Variants in EOGT observed in about 807,000 individuals in gnomAD.
EOGT encodes the protein EGF domain-specific O-linked N-acetylglucosamine transferase.
A neutral mutation model predicts 70.5 loss-of-function variants in EOGT; 55 were observed. The ratio of observed to expected loss-of-function variants is 0.78; its 90% CI spans 0.63 to 0.98. The LOEUF is 0.98. Among genes scored for constraint, EOGT ranks in the 50% least tolerant of loss-of-function variants. The pLI is 0.00. For missense variants in EOGT, 703 were observed against 641.9 expected, an observed-to-expected ratio of 1.10 and a Z score of -1.03; for synonymous variants, 246 against 217.1, an observed-to-expected ratio of 1.13 and a Z score of -1.17.
rs1348237412 is a variant in EOGT, at chr3:68,979,756, T to C, written c.1246A>G (p.Thr416Ala). The C allele has an allele frequency of 3.1e-6, 5 of 1,613,574 alleles. No homozygotes were observed. The highest frequency in any genetic ancestry group is 2.2e-5 in the South Asian group (2 of 91,066). The change falls in exon 16 of 18, where the codon ACA becomes GCA. Residue 416 changes from threonine (T) to alanine (A), a missense_variant. By Grantham distance (58) the Thr-to-Ala change is moderately conservative. Transcript: ENST00000383701. ...CCAATAAATATGTCCGTGTTGTGTG[T>C]GATCCTTAGTTGATCTAAAAACCCA... is the stretch of plus-strand genomic sequence containing the variant. Reference protein sequence around the residue: ...ELGFLDQLRITHNTDIFIGMH... With the variant: ...ELGFLDQLRIAHNTDIFIGMH...
chr3:68,984,158 C>A (rs1211390576), intron 14 of EOGT, among the ~76,000 whole-genome samples: 1 of 152,114 alleles, frequency 6.6e-6, no homozygotes, highest in African/African-American at 2.4e-5. Context: ...ACTCTATTGT[C>A]CTGCTTACAG....
rs991946182 is a variant in EOGT, at chr3:68,977,916, T to C, written c.1438-152A>G. 4.0e-6 allele frequency: 3 copies of C among 752,458 alleles called. No individual in the cohort carries two copies. In the African/African-American group the frequency reaches 5.3e-5, roughly 13 times the overall value. The allele number at this position is 752,458 out of a possible 1,614,324, so 46.6% of individuals were successfully genotyped here. A position where few individuals can be genotyped will look rare whatever the true frequency, so the allele number is the denominator to read the frequency against. ...TTCCTGATAAGGGCCAGATGATAAA[T>C]ATTTTCAGCTCTGCTGACTCTAAGG... On this transcript the variant is annotated intron_variant, in intron 17 of 17. Transcript: ENST00000383701.
intron 5 of EOGT, among the ~76,000 whole-genome samples, 153 bp from the exon 6 acceptor site, chr3:69,007,974 A>G (rs1340974328): frequency 6.6e-6 from 1 of 152,214 alleles, no homozygotes; most frequent in African/African-American, 2.4e-5. Context: ...GCCTCACTAC[A>G]TGAAGTTACG....
chr3:69,007,422 G>C (rs528889736), intron 6 of EOGT, among the ~76,000 whole-genome samples: 26 of 149,912 alleles, frequency 1.7e-4, no homozygotes, highest in African/African-American at 6.4e-4. Context: ...GGAGGCTGAG[G>C]TGGGTGGATC....
rs1341208050 is a variant in EOGT, at chr3:69,007,725, C to A, written c.408G>T (p.Gln136His). The A allele has an allele frequency of 6.2e-7, 1 of 1,605,160 alleles. No individual in the cohort carries two copies. Among genetic ancestry groups the A allele is most frequent in the East Asian group, 2.2e-5 (1 of 44,648 alleles). ...GCAAAATACCCACCGTTTCCTTAGG[C>A]TGACAGAGCACATGCATCTCCTCCA... ...ERLEEMHVLC[Q>H]PKETSDSSLV... is the part of the protein sequence containing the mutation. Residue 136 changes from glutamine to histidine, a missense_variant, in exon 6 of 18, where the codon CAG becomes CAT. Gln to His is a conservative substitution (Grantham distance 24). Coordinates refer to ENST00000383701, the MANE Select transcript of EOGT (RefSeq NM_001278689.2).
chr3:68,988,433 T>C, intron 12 of EOGT, 52 bp from the exon 13 acceptor site: 2 of 1,492,912 alleles, frequency 1.3e-6, no homozygotes. Context: ...GTATTATAAT[T>C]TAAGATACTG....
At chr3:69,007,914 T>C in intron 5 of EOGT, 93 bp from the exon 6 acceptor site, 1 of 817,132 alleles carries the variant, frequency 1.2e-6, no homozygotes, top group South Asian at 1.9e-5. Flanking sequence ...AGAGGTTCCT[T>C]ATTACTTTAA....
At chr3:68,998,471 T>C (rs1256161194) in intron 9 of EOGT, among the ~76,000 whole-genome samples, 1 of 152,240 alleles carries the variant, frequency 6.6e-6, no homozygotes, top group Non-Finnish European at 1.5e-5. Context: ...CCATTATTTC[T>C]TCTGACTTTA....
At chr3:69,003,146 G>C (rs193201716) in intron 8 of EOGT, among the ~76,000 whole-genome samples, 1 of 152,166 alleles carries the variant, frequency 6.6e-6, no homozygotes, top group East Asian at 1.9e-4. Context: ...ACCTACACAA[G>C]TGATAAAATT....
At chr3:69,004,194 A>C (rs1049633873) in intron 8 of EOGT, among the ~76,000 whole-genome samples, 184 bp downstream of exon 8, 1 of 152,220 alleles carries the variant, frequency 6.6e-6, no homozygotes, top group Non-Finnish European at 1.5e-5. Context: ...ATCTACTATT[A>C]TAAACACATA....
At position 68,988,539 on chromosome 3, in the gene EOGT, G is replaced by T; in HGVS notation, c.963C>A (p.Arg321=). The T allele has an allele frequency of 6.5e-7, 1 of 1,533,286 alleles. No homozygotes were observed. The highest frequency in any genetic ancestry group is 8.7e-7 in the Non-Finnish European group (1 of 1,145,444). 95.0% of individuals were successfully genotyped at this position (1,533,286 alleles called of 1,614,324 possible). A position where few individuals can be genotyped will look rare whatever the true frequency, so the allele number is the denominator to read the frequency against. Reference sequence around the variant, plus strand: ...TATTATAGAACAGCCCATACCTCATGCGGGGGAGTAATGAAAAAACAGCTT... The same window carrying T: ...TATTATAGAACAGCCCATACCTCATTCGGGGGAGTAATGAAAAAACAGCTT... ...FKEAVFSLLP[R]MRYGLFYNTP... Residue 321 remains arginine, a synonymous_variant, in exon 12 of 18, where the codon CGC becomes CGA. Coordinates refer to ENST00000383701, the MANE Select transcript of EOGT (RefSeq NM_001278689.2).
intron 16 of EOGT, among the ~76,000 whole-genome samples, chr3:68,979,160 A>C (rs1183840087): frequency 6.6e-6 from 1 of 152,204 alleles, no homozygotes; most frequent in Non-Finnish European, 1.5e-5. Flanking sequence ...CAGAATTATT[A>C]TGAGAGGGAA....
intron 9 of EOGT, among the ~76,000 whole-genome samples, chr3:68,999,716 A>G (rs940399321): frequency 6.6e-6 from 1 of 152,218 alleles, no homozygotes; most frequent in Non-Finnish European, 1.5e-5. Context: ...CTCTTTTCCC[A>G]GGTTAGCCAT....
chr3:69,008,283 A>G (rs1212430709), intron 5 of EOGT, 145 bp downstream of exon 5: 3 of 653,828 alleles, frequency 4.6e-6, no homozygotes, highest in Middle Eastern at 2.6e-4. Flanking sequence ...GAAATAGTCA[A>G]GTTGAATTCA....
intron 8 of EOGT, among the ~76,000 whole-genome samples, chr3:69,003,316 G>C (rs1280904989): frequency 6.6e-6 from 1 of 152,174 alleles, no homozygotes; most frequent in African/African-American, 2.4e-5. Flanking sequence ...CTTGTAGTAT[G>C]ATATGGTTTG....
intron 17 of EOGT, 67 bp from the exon 18 acceptor site, chr3:68,977,831 AATT>A: frequency 6.7e-7 from 1 of 1,499,334 alleles, no homozygotes; most frequent in South Asian, 1.3e-5. Flanking sequence ...ACAGCAGGAA[AATT>A]ATGTTACTTT....
intron 10 of EOGT, among the ~76,000 whole-genome samples, chr3:68,990,012 T>G (rs2090942928): frequency 6.6e-6 from 1 of 152,008 alleles, no homozygotes; most frequent in African/African-American, 2.4e-5. Flanking sequence ...CATTGACTAG[T>G]GAATAAAAAG....
intron 13 of EOGT, 84 bp from the exon 14 acceptor site, chr3:68,987,597 CAA>C: frequency 9.7e-7 from 1 of 1,031,480 alleles, no homozygotes; most frequent in Admixed American, 2.1e-5. Context: ...GTGATTTTCA[CAA>C]AGAGATGAAA....
intron 4 of EOGT, among the ~76,000 whole-genome samples, chr3:69,008,845 C>T (rs1056047446): frequency 2.6e-5 from 4 of 152,146 alleles, no homozygotes; most frequent in East Asian, 1.9e-4. Context: ...AGTGAGCAAG[C>T]GGATTCTAAA....
Sources: gnomAD v4.1 joint callset for allele counts (sites outside exome capture counted in the v4.1 genomes callset) on GRCh38, gnomAD v4.1.1 for gene constraint, MANE v1.5 for transcripts, NCBI Gene and HGNC (gene_info 2026-07-23, HGNC 2026-07-21) for gene names.